Variants in LRP1B observed in about 807,000 individuals in gnomAD.
LRP1B encodes low-density lipoprotein receptor-related protein 1B.
Under a neutral mutation model 556.6 loss-of-function variants are expected in LRP1B, and 217 were observed. That is an observed-to-expected ratio of 0.39 (90% CI 0.35 to 0.44). The LOEUF (loss-of-function observed/expected upper bound fraction) is 0.44, where lower values mean the gene tolerates loss of function less well. Ranked by LOEUF, LRP1B falls within the 20% of genes least tolerant of loss-of-function variation. LRP1B has a pLI of 1.00. For synonymous variants in LRP1B, 2,047 were observed against 1,865.8 expected, an observed-to-expected ratio of 1.10 and a Z score of -2.50; for missense variants, 5,053 against 5,620.8, an observed-to-expected ratio of 0.90 and a Z score of 3.23.
At chr2:140,414,682 C>T (rs1193759837) in intron 66 of LRP1B, among the ~76,000 whole-genome samples, 1 of 152,162 alleles carries the variant, frequency 6.6e-6, no homozygotes, top group African/African-American at 2.4e-5. Context: ...ATCTCTTAAT[C>T]CTGTTATCTT....
At chr2:141,596,682 G>A (rs1004239516) in intron 2 of LRP1B, among the ~76,000 whole-genome samples, 1 of 151,954 alleles carries the variant, frequency 6.6e-6, no homozygotes, top group Non-Finnish European at 1.5e-5. Flanking sequence ...CCCCTTTGGA[G>A]AATTTCAACT....
intron 1 of LRP1B, among the ~76,000 whole-genome samples, chr2:142,068,493 G>T (rs1280928291): frequency 6.6e-6 from 1 of 151,438 alleles, no homozygotes; most frequent in African/African-American, 2.4e-5. Context: ...TTTCCACTGG[G>T]TTATATAGAT....
At chr2:140,421,035 C>A (rs1374385333) in intron 66 of LRP1B, among the ~76,000 whole-genome samples, 1 of 152,094 alleles carries the variant, frequency 6.6e-6, no homozygotes, top group Non-Finnish European at 1.5e-5. Flanking sequence ...GTGGGTGGAT[C>A]ACCTCCGGTC....
intron 31 of LRP1B, among the ~76,000 whole-genome samples, chr2:140,820,124 C>A (rs1167609374): frequency 6.6e-6 from 1 of 152,054 alleles, no homozygotes; most frequent in Admixed American, 6.5e-5. Flanking sequence ...TTCAGCCTCC[C>A]ATACCGCCCT....
intron 1 of LRP1B, among the ~76,000 whole-genome samples, chr2:142,121,643 T>A (rs557933257): frequency 1.3e-5 from 2 of 152,184 alleles, no homozygotes; most frequent in African/African-American, 4.8e-5. Flanking sequence ...CCCAATTGCA[T>A]TGTCCTCAGT....
chr2:140,990,539 AC>A (rs956514919), intron 16 of LRP1B, among the ~76,000 whole-genome samples: 3 of 148,502 alleles, frequency 2.0e-5, no homozygotes, highest in African/African-American at 7.6e-5. Flanking sequence ...GTTGATGTTA[AC>A]TATGAGATTC....
At chr2:141,297,152 T>C (rs539015286) in intron 3 of LRP1B, among the ~76,000 whole-genome samples, 1 of 152,192 alleles carries the variant, frequency 6.6e-6, no homozygotes, top group Non-Finnish European at 1.5e-5. Flanking sequence ...TTGTGAGTAG[T>C]GCTGCTGTCA....
intron 84 of LRP1B, among the ~76,000 whole-genome samples, chr2:140,280,943 C>T (rs940967950): frequency 2.0e-5 from 3 of 151,630 alleles, no homozygotes; most frequent in Non-Finnish European, 2.9e-5. Context: ...TAAGAACTAC[C>T]TAGTAGCACC....
In LRP1B at chr2:140,842,026, C is replaced by T. The variant is rs79329472; in HGVS notation, c.4940-934G>A. On this transcript the variant is annotated intron_variant, in intron 29 of 90. Coordinates refer to ENST00000389484, the MANE Select transcript of LRP1B (RefSeq NM_018557.3). The stretch of plus-strand genomic sequence containing the variant: ...ACTATTTCTCAAACTTACAAGACAC[C>T]TGGAAACTGTTAAAATAAAGATTCT... Among the ~76,000 whole-genome samples the T allele has an allele frequency of 3.6e-3, 554 of 152,270 alleles. 12 individuals carry two copies. In the East Asian group the frequency reaches 0.058, roughly 16 times the overall value.
intron 7 of LRP1B, among the ~76,000 whole-genome samples, chr2:141,171,674 C>T (rs116453608): frequency 1.7e-3 from 254 of 152,126 alleles, no homozygotes; most frequent in African/African-American, 5.9e-3. Context: ...GGTGTAGCAG[C>T]GTAAGAGTGT....
intron 7 of LRP1B, among the ~76,000 whole-genome samples, chr2:141,112,364 T>C (rs1025750252): frequency 6.6e-6 from 1 of 152,170 alleles, no homozygotes; most frequent in African/African-American, 2.4e-5. Flanking sequence ...AGTCTTTTAA[T>C]ACCACATTTT....
chr2:141,678,383 T>G (rs771902079), intron 2 of LRP1B, among the ~76,000 whole-genome samples: 35 of 152,058 alleles, frequency 2.3e-4, no homozygotes, highest in Non-Finnish European at 4.7e-4. Flanking sequence ...AAACAAATAG[T>G]ATATCTGACA....
intron 7 of LRP1B, among the ~76,000 whole-genome samples, chr2:141,109,813 A>G (rs1352546244): frequency 6.6e-6 from 1 of 152,230 alleles, no homozygotes; most frequent in Non-Finnish European, 1.5e-5. Context: ...ACTCAGAATC[A>G]CATTAAAAAT....
intron 7 of LRP1B, among the ~76,000 whole-genome samples, chr2:141,152,291 C>T (rs888142374): frequency 6.6e-6 from 1 of 151,918 alleles, no homozygotes; most frequent in Admixed American, 6.6e-5. Flanking sequence ...AAACACTTTG[C>T]ACAGCATTTC....
intron 1 of LRP1B, among the ~76,000 whole-genome samples, chr2:141,932,558 TTGTG>T (rs1700536291): frequency 1.3e-5 from 2 of 152,168 alleles, no homozygotes; most frequent in African/African-American, 4.8e-5. Context: ...CATGTAATGC[TTGTG>T]TAAGTGCATT....
At chr2:141,074,108 C>T (rs1208737196) in intron 7 of LRP1B, among the ~76,000 whole-genome samples, 1 of 152,066 alleles carries the variant, frequency 6.6e-6, no homozygotes, top group Non-Finnish European at 1.5e-5. Flanking sequence ...CCAGTTTCAC[C>T]TAGCAGTATC....
intron 2 of LRP1B, among the ~76,000 whole-genome samples, chr2:141,706,219 T>C (rs1249622707): frequency 6.6e-6 from 1 of 152,060 alleles, no homozygotes; most frequent in African/African-American, 2.4e-5. Context: ...ACCTCAACGC[T>C]GAGGAATAAA....
chr2:142,037,638 C>G (rs906172598), intron 1 of LRP1B, among the ~76,000 whole-genome samples: 2 of 151,564 alleles, frequency 1.3e-5, no homozygotes, highest in African/African-American at 2.4e-5. Flanking sequence ...TCTCTGAGTG[C>G]AAACATCTGA....
At chr2:141,402,597 A>G (rs534572400) in intron 3 of LRP1B, among the ~76,000 whole-genome samples, 1 of 152,228 alleles carries the variant, frequency 6.6e-6, no homozygotes, top group Admixed American at 6.5e-5. Context: ...AATGAAGACC[A>G]AAGTTGTATC....
Sources: allele counts gnomAD v4.1 joint callset (sites outside exome capture counted in the v4.1 genomes callset), GRCh38; gene constraint gnomAD v4.1.1; transcripts MANE v1.5; gene names NCBI Gene and HGNC (gene_info 2026-07-23, HGNC 2026-07-21).